The following ADGB variants were observed in gnomAD, a reference collection of about 807,000 sequenced individuals.
ADGB encodes the protein androglobin, also known as calpain-7-like protein.
Under a neutral mutation model 210.5 loss-of-function variants are expected in ADGB, and 172 were observed. The observed-to-expected ratio is 0.82, with a 90% CI of 0.72 to 0.93. ADGB has a LOEUF of 0.93. ADGB is among the 40% of genes least tolerant of loss of function. The pLI, the probability that ADGB is intolerant of heterozygous loss-of-function variation, is 0.00. For synonymous variants in ADGB, 658 were observed against 662.7 expected (o/e 0.99, Z 0.11); for missense variants, 2,025 against 1,964.8 (o/e 1.03, Z -0.58).
rs71031007 is a variant in ADGB, at chr6:146,691,500, A to ATTTT, written c.1486+232_1486+235dup. On this transcript the variant is annotated intron_variant, in intron 11 of 35. Coordinates refer to ENST00000397944, the MANE Select transcript of ADGB (RefSeq NM_024694.4). ...TAAATATATATATATATATATATAT[A>ATTTT]TTTTTTTTTTTTTTTTTTTTTTTTT... is the stretch of plus-strand genomic sequence containing the variant. 9.2e-3 allele frequency among the ~76,000 whole-genome samples: 125 copies of ATTTT among 13,642 alleles called. 29 individuals carry two copies. The highest frequency in any genetic ancestry group is 9.4e-3 in the African/African-American group (14 of 1,494). The allele number at this position is 13,642 out of a possible 152,430, so 8.9% of individuals were successfully genotyped here.
intron 13 of ADGB, among the ~76,000 whole-genome samples, chr6:146,705,466 G>A (rs532078284): frequency 6.6e-6 from 1 of 152,206 alleles, no homozygotes; most frequent in East Asian, 1.9e-4. Context: ...GTTGTAAGTT[G>A]AGAGGTTTTT....
rs181780927 is a variant in ADGB at position 146,627,654 on chromosome 6, G to A, written c.75-7721G>A. Among the ~76,000 whole-genome samples the A allele has an allele frequency of 2.6e-3, 389 of 152,028 alleles. 2 individuals are homozygous for A. The highest frequency in any genetic ancestry group is 3.8e-3 in the Non-Finnish European group (260 of 67,980). On this transcript the variant is annotated intron_variant, in intron 1 of 35. Transcript: ENST00000397944. The stretch of plus-strand genomic sequence containing the variant: ...ATTCTCTCAGGTACTTTTTTTCCCC[G>A]GCTTTGGGTAGCTTCCTCATGCACA...
rs139177211 is a variant in ADGB at position 146,752,660 on chromosome 6, G to A, written c.3496G>A (p.Ala1166Thr). The A allele has an allele frequency of 1.8e-5, 28 of 1,550,898 alleles. 1 individual carries two copies. The East Asian group carries it at 5.4e-4, about 30-fold the overall frequency. ...TMVSSTGKGQAIIPAFHFLKS... is the reference protein window; with the variant it reads ...TMVSSTGKGQTIIPAFHFLKS... ...GGTGAGCTCCACTGGAAAAGGCCAA[G>A]CTATAATCCCAGCATTTCACTTCTT... Residue 1166 changes from alanine (A) to threonine (T), a missense_variant, in exon 27 of 36, where the codon GCT becomes ACT. By Grantham distance (58) the Ala-to-Thr change is moderately conservative (BLOSUM62 0). Transcript: ENST00000397944.
Position 146,741,157 on chromosome 6 carries a change from C to G in ADGB, c.3063C>G (p.Pro1021=). Residue 1021 remains proline (P), a synonymous_variant, in exon 25 of 36, where the codon CCC becomes CCG. Transcript: ENST00000397944. ...TTCATCAAGACATGATTTTGGTTCC[C>G]AAAGTATATACTACACTTCCAATCT... The part of the protein sequence containing the change: ...FLVHQDMILV[P]KVYTTLPICI... 6.5e-7 allele frequency: 1 copy of G among 1,537,640 alleles called. No homozygotes were observed. Among genetic ancestry groups the G allele is most frequent in the Non-Finnish European group, 8.8e-7 (1 of 1,141,112 alleles).
chr6:146,618,922 C>A (rs1353589200), intron 1 of ADGB, among the ~76,000 whole-genome samples: 3 of 151,954 alleles, frequency 2.0e-5, no homozygotes, highest in Admixed American at 1.3e-4. Context: ...CTGTCTAGAT[C>A]ATCTGTCCAA....
In ADGB at chr6:146,676,340, A is replaced by G. The variant is rs1184973993; in HGVS notation, c.1115A>G (p.Lys372Arg). 15 of 1,549,228 alleles carry G rather than the reference A, an allele frequency of 9.7e-6. No individual in the cohort carries two copies. The highest frequency in any genetic ancestry group is 1.2e-5 in the Non-Finnish European group (14 of 1,145,724). Residue 372 changes from lysine (K) to arginine (R), a missense_variant, in exon 9 of 36, where the codon AAG becomes AGG. By Grantham distance (26) the Lys-to-Arg change is conservative. Coordinates refer to ENST00000397944, the MANE Select transcript of ADGB (RefSeq NM_024694.4). ...KEKADARDIGKKRSKDGEKEK... is the reference protein window; with the variant it reads ...KEKADARDIGRKRSKDGEKEK... ...AAAGCAGATGCAAGAGACATTGGAAAGAAGAGAAGCAAAGATGGAGAAAAA... is the reference window on the plus strand; with the variant it reads ...AAAGCAGATGCAAGAGACATTGGAAGGAAGAGAAGCAAAGATGGAGAAAAA...
intron 18 of ADGB, chr6:146,725,325 C>G (rs543834449): frequency 6.6e-6 from 1 of 152,388 alleles, no homozygotes; most frequent in Admixed American, 6.5e-5. Flanking sequence ...TGGACTGGTC[C>G]TGGTCCGAGG....
At chr6:146,682,087 C>T (rs201704599) in intron 9 of ADGB, among the ~76,000 whole-genome samples, 2 of 152,022 alleles carry the variant, frequency 1.3e-5, no homozygotes, top group South Asian at 2.1e-4. Flanking sequence ...CTAAATATCA[C>T]ATCTGAAAAA....
intron 29 of ADGB, among the ~76,000 whole-genome samples, chr6:146,778,920 C>G (rs746961577): frequency 9.9e-5 from 15 of 152,150 alleles, no homozygotes; most frequent in Non-Finnish European, 1.8e-4. Flanking sequence ...TTATGACAGT[C>G]AACTTTTTCA....
At chr6:146,607,273 T>G (rs1451126160) in intron 1 of ADGB, among the ~76,000 whole-genome samples, 1 of 152,120 alleles carries the variant, frequency 6.6e-6, no homozygotes, top group Non-Finnish European at 1.5e-5. Flanking sequence ...GATGAAGTTA[T>G]CAGGTTTAAG....
At chr6:146,612,783 G>A (rs1232058025) in intron 1 of ADGB, among the ~76,000 whole-genome samples, 1 of 152,170 alleles carries the variant, frequency 6.6e-6, no homozygotes, top group Non-Finnish European at 1.5e-5. Context: ...GAGGGAGAGA[G>A]AGAAAAAGAG....
At chr6:146,759,736 C>T (rs1777460001) in intron 27 of ADGB, among the ~76,000 whole-genome samples, 1 of 151,718 alleles carries the variant, frequency 6.6e-6, no homozygotes, top group Non-Finnish European at 1.5e-5. Context: ...TGTCCAGTTG[C>T]CCTCTACTGG....
chr6:146,723,633 A>G (rs753533477), intron 17 of ADGB, among the ~76,000 whole-genome samples: 5 of 152,152 alleles, frequency 3.3e-5, no homozygotes, highest in Non-Finnish European at 7.4e-5. Context: ...GGTACTCCAG[A>G]GACTGAGGCA....
At chr6:146,710,842 C>T (rs1473594773) in intron 13 of ADGB, among the ~76,000 whole-genome samples, 1 of 152,160 alleles carries the variant, frequency 6.6e-6, no homozygotes, top group African/African-American at 2.4e-5. Flanking sequence ...TATTTAACTG[C>T]TTCTTCTGAT....
intron 18 of ADGB, 41 bp from the exon 19 acceptor site, chr6:146,726,042 C>A: frequency 7.5e-7 from 1 of 1,339,014 alleles, no homozygotes; most frequent in Non-Finnish European, 1.0e-6. Flanking sequence ...TGCCACCACC[C>A]AGGAAGCACT....
At chr6:146,788,739 T>A in intron 33 of ADGB, 129 bp downstream of exon 33, 2 of 898,056 alleles carry the variant, frequency 2.2e-6, no homozygotes, top group South Asian at 3.5e-5. Flanking sequence ...GATATATAGA[T>A]TTTCATTTTA....
chr6:146,722,647 C>T (rs1314692847), intron 17 of ADGB, among the ~76,000 whole-genome samples: 1 of 152,172 alleles, frequency 6.6e-6, no homozygotes, highest in Non-Finnish European at 1.5e-5. Flanking sequence ...ATTGCAAACC[C>T]TCAAACATTC....
chr6:146,728,653 G>C lies in ADGB; in HGVS notation c.2432G>C (p.Gly811Ala), dbSNP rs1053990619. 1.3e-6 allele frequency: 2 copies of C among 1,551,474 alleles called. No individual in the cohort carries two copies. Among genetic ancestry groups the C allele is most frequent in the Non-Finnish European group, 1.7e-6 (2 of 1,146,930 alleles). ...GTGATTGCTAATTTCAAAGATAAGG[G>C]TAAACTCTCTGCAGCTTTGAAGGAT... is the stretch of plus-strand genomic sequence containing the variant. Reference protein sequence around the residue: ...GNVIANFKDKGKLSAALKDLQ... With the variant: ...GNVIANFKDKAKLSAALKDLQ... The change falls in exon 20 of 36, where the codon GGT becomes GCT. Residue 811 changes from glycine to alanine, a missense_variant. By Grantham distance (60) the Gly-to-Ala change is moderately conservative. Transcript: ENST00000397944.
intron 9 of ADGB, 147 bp downstream of exon 9, chr6:146,676,588 G>T (rs1776088085): frequency 2.7e-6 from 2 of 744,906 alleles, no homozygotes; most frequent in Non-Finnish European, 3.8e-6. Context: ...TCTCAGATGG[G>T]TGGGCGTGTT....
Sources: allele counts gnomAD v4.1 joint callset (sites outside exome capture counted in the v4.1 genomes callset), GRCh38; gene constraint gnomAD v4.1.1; transcripts MANE v1.5; gene names NCBI Gene and HGNC (gene_info 2026-07-23, HGNC 2026-07-21).